DLG2: variants seen among roughly 807,000 people sequenced by gnomAD.
DLG2 encodes discs large MAGUK scaffold protein 2, also known as disks large homolog 2.
Under a neutral mutation model 132.5 loss-of-function variants are expected in DLG2, and 45 were observed. The observed-to-expected ratio is 0.34, with a 90% CI of 0.27 to 0.44. DLG2 has a LOEUF of 0.44. DLG2 is among the 20% of genes least tolerant of loss of function. The probability of loss-of-function intolerance (pLI) is 1.00; values close to 1 mark genes in which losing one functional copy is unlikely to be tolerated. For missense variants in DLG2, 1,045 were observed against 1,196.9 expected (o/e 0.87, Z 1.87); for synonymous variants, 424 against 419.6 (o/e 1.01, Z -0.13).
chr11:84,215,579 A>G (rs1273717056), intron 8 of DLG2, among the ~76,000 whole-genome samples: 1 of 152,164 alleles, frequency 6.6e-6, no homozygotes, highest in Non-Finnish European at 1.5e-5. Flanking sequence ...CCTAACTTCA[A>G]AGGAGCTAGG....
At chr11:84,072,208 C>T (rs2096768241) in intron 10 of DLG2, among the ~76,000 whole-genome samples, 2 of 152,230 alleles carry the variant, frequency 1.3e-5, no homozygotes, top group South Asian at 2.1e-4. Flanking sequence ...CTTCACATAA[C>T]ACCCAAGTCT....
chr11:83,977,618 C>G (rs1484689230), intron 12 of DLG2, among the ~76,000 whole-genome samples: 1 of 152,050 alleles, frequency 6.6e-6, no homozygotes, highest in Non-Finnish European at 1.5e-5. Context: ...AGTCTAAGAT[C>G]TAACCTTTGT....
chr11:83,770,243 G>A (rs79417402), intron 18 of DLG2, among the ~76,000 whole-genome samples: 5,529 of 113,660 alleles, frequency 0.049, 168 homozygotes, highest in South Asian at 0.12. Context: ...CTTTTGTCTC[G>A]TGGTGTCTGG....
chr11:83,651,906 G>C (rs1476624504), intron 18 of DLG2: 1 of 470,886 alleles, frequency 2.1e-6, no homozygotes, highest in East Asian at 6.9e-5. Flanking sequence ...AGAAGCCCTG[G>C]TGAAATCTTA....
chr11:84,969,241 G>T (rs745436606), intron 6 of DLG2, among the ~76,000 whole-genome samples: 8 of 152,174 alleles, frequency 5.3e-5, no homozygotes, highest in Non-Finnish European at 8.8e-5. Context: ...GGCCTTTGCT[G>T]CTCAGCCTCT....
At chr11:84,932,911 G>A (rs1027095043) in intron 6 of DLG2, among the ~76,000 whole-genome samples, 5 of 152,080 alleles carry the variant, frequency 3.3e-5, no homozygotes, top group African/African-American at 1.2e-4. Context: ...TGTTATTTCT[G>A]GTTCTAGATC....
intron 6 of DLG2, among the ~76,000 whole-genome samples, chr11:84,655,170 A>T (rs1306659786): frequency 6.6e-6 from 1 of 152,190 alleles, no homozygotes; most frequent in East Asian, 1.9e-4. Flanking sequence ...ACCCATCATC[A>T]ATAGGTTTGC....
chr11:83,908,715 C>A (rs1422066902), intron 15 of DLG2, among the ~76,000 whole-genome samples: 1 of 151,650 alleles, frequency 6.6e-6, no homozygotes, highest in Non-Finnish European at 1.5e-5. Flanking sequence ...GGCCACTGGC[C>A]AAAGGAAGGG....
chr11:84,567,706 AG>A (rs1222202694), intron 6 of DLG2, among the ~76,000 whole-genome samples: 1 of 152,196 alleles, frequency 6.6e-6, no homozygotes, highest in African/African-American at 2.4e-5. Context: ...ACAGGTCCTT[AG>A]GAAAAGGTCA....
intron 11 of DLG2, among the ~76,000 whole-genome samples, chr11:83,983,092 G>T (rs1315569188): frequency 2.0e-5 from 3 of 152,004 alleles, no homozygotes; most frequent in Non-Finnish European, 4.4e-5. Context: ...ATTGTTAAAT[G>T]ACACATGAAT....
At chr11:84,795,491 C>T (rs527674755) in intron 6 of DLG2, among the ~76,000 whole-genome samples, 1 of 152,230 alleles carries the variant, frequency 6.6e-6, no homozygotes, top group East Asian at 1.9e-4. Flanking sequence ...CAGAGAGGAG[C>T]TACCCACTGC....
At chr11:84,186,842 G>A (rs35193038) in intron 8 of DLG2, among the ~76,000 whole-genome samples, 8,824 of 151,866 alleles carry the variant, frequency 0.058, 301 homozygotes, top group African/African-American at 0.077. Context: ...AATTATTTTT[G>A]AACCAGAAAT....
chr11:83,664,353 G>T (rs549928114), intron 18 of DLG2, among the ~76,000 whole-genome samples: 1 of 152,024 alleles, frequency 6.6e-6, no homozygotes, highest in Non-Finnish European at 1.5e-5. Flanking sequence ...GCTTCGCGGT[G>T]TCTGATGCCT....
At chr11:84,943,137 C>T (rs1284622747) in intron 6 of DLG2, among the ~76,000 whole-genome samples, 1 of 149,832 alleles carries the variant, frequency 6.7e-6, no homozygotes, top group African/African-American at 2.5e-5. Flanking sequence ...TTCCTGTAGG[C>T]CACAGATTTT....
chr11:83,588,573 A>C (rs930809845), intron 19 of DLG2, among the ~76,000 whole-genome samples: 5 of 151,982 alleles, frequency 3.3e-5, no homozygotes, highest in Admixed American at 1.3e-4. Context: ...AACTCTAAAA[A>C]GCAGAGCGCC....
intron 3 of DLG2, among the ~76,000 whole-genome samples, chr11:85,549,066 G>C (rs1191074474): frequency 6.6e-6 from 1 of 152,176 alleles, no homozygotes; most frequent in African/African-American, 2.4e-5. Flanking sequence ...CTAGTTCAGA[G>C]TCCGCCAAAA....
At chr11:84,195,954 G>A (rs186485375) in intron 8 of DLG2, among the ~76,000 whole-genome samples, 1 of 152,108 alleles carries the variant, frequency 6.6e-6, no homozygotes, top group Admixed American at 6.5e-5. Flanking sequence ...TGACACAACT[G>A]GACCAACAAT....
chr11:85,212,018 C>A (rs2082285510), intron 4 of DLG2, among the ~76,000 whole-genome samples: 2 of 151,980 alleles, frequency 1.3e-5, no homozygotes, highest in Non-Finnish European at 2.9e-5. Flanking sequence ...AAATTATCTC[C>A]CTCATCAAAA....
intron 10 of DLG2, among the ~76,000 whole-genome samples, chr11:84,083,932 C>A (rs1390829022): frequency 1.3e-5 from 2 of 152,026 alleles, no homozygotes; most frequent in Admixed American, 6.6e-5. Context: ...TTTAAGTGAT[C>A]ACTTCATGGA....
Sources: allele counts gnomAD v4.1 joint callset (sites outside exome capture counted in the v4.1 genomes callset), GRCh38; gene constraint gnomAD v4.1.1; transcripts MANE v1.5; gene names NCBI Gene and HGNC (gene_info 2026-07-23, HGNC 2026-07-21).